Variants in USH2A observed in about 807,000 individuals in gnomAD.
USH2A encodes the protein Usher syndrome 2A (autosomal recessive, mild).
In USH2A, 443 loss-of-function variants were observed where a neutral mutation model predicts 538.9. The observed-to-expected ratio is 0.82, with a 90% CI of 0.76 to 0.89. USH2A has a LOEUF of 0.89. Ranked by LOEUF, USH2A falls within the 40% of genes least tolerant of loss-of-function variation. The pLI is 0.00. For synonymous variants in USH2A, 2,413 were observed against 2,273.5 expected (o/e 1.06, Z -1.75); for missense variants, 6,633 against 6,324.8 (o/e 1.05, Z -1.65).
At chr1:216,243,427 G>T (rs1171520912) in intron 13 of USH2A, among the ~76,000 whole-genome samples, 1 of 152,094 alleles carries the variant, frequency 6.6e-6, no homozygotes, top group East Asian at 1.9e-4. Context: ...CTGTCTTCAA[G>T]GATCAATCTC....
intron 35 of USH2A, among the ~76,000 whole-genome samples, chr1:215,973,656 C>CTTCTTCTTTTTTT (rs1358991956): frequency 7.6e-6 from 1 of 130,960 alleles, no homozygotes; most frequent in African/African-American, 2.9e-5. Flanking sequence ...TCTTCTTCTT[C>CTTCTTCTTTTTTT]TTTTTTTTTT....
chr1:216,224,435 C>T (rs77014611), intron 14 of USH2A, among the ~76,000 whole-genome samples: 1,833 of 152,162 alleles, frequency 0.012, 29 homozygotes, highest in African/African-American at 0.042. Context: ...GTTTTCGATA[C>T]TGATTAAATC....
At chr1:215,962,521 C>T (rs889593517) in intron 37 of USH2A, among the ~76,000 whole-genome samples, 3 of 151,936 alleles carry the variant, frequency 2.0e-5, no homozygotes, top group African/African-American at 7.3e-5. Context: ...GATAATTTCT[C>T]TGAAATTATT....
intron 61 of USH2A, among the ~76,000 whole-genome samples, chr1:215,697,255 G>A (rs1350642648): frequency 6.6e-6 from 1 of 151,762 alleles, no homozygotes; most frequent in Non-Finnish European, 1.5e-5. Flanking sequence ...CACCTCACCT[G>A]GCCTGCCCCC....
chr1:216,399,814 C>T (rs763388751), intron 3 of USH2A, among the ~76,000 whole-genome samples: 17 of 152,132 alleles, frequency 1.1e-4, no homozygotes, highest in Non-Finnish European at 2.2e-4. Context: ...TCACCCTACC[C>T]ATCTGCTGCA....
chr1:216,419,162 T>C (rs1433176198), intron 2 of USH2A, among the ~76,000 whole-genome samples: 3 of 152,016 alleles, frequency 2.0e-5, no homozygotes, highest in Non-Finnish European at 4.4e-5. Context: ...TTAATTCCCA[T>C]GGTGAAATGA....
Position 215,674,148 on chromosome 1 carries a change from G to A in USH2A, c.13763C>T (p.Ser4588Phe). The part of the protein sequence containing the change: ...KIIHINTTHN[S>F]FGMQSYIVNQ... ...TACTATATATGACTGCATACCAAAA[G>A]AATTATGAGTTGTGTTTATGTGTAT... Residue 4588 changes from serine to phenylalanine, a missense_variant, in exon 63 of 72, where the codon TCT (serine) becomes TTT (phenylalanine). By Grantham distance (155) the Ser-to-Phe change is radical (BLOSUM62 -2). Coordinates refer to ENST00000307340, the MANE Select transcript of USH2A (RefSeq NM_206933.4). The A allele has an allele frequency of 6.2e-7, 1 of 1,614,078 alleles. No homozygotes were observed. Among genetic ancestry groups the A allele is most frequent in the Non-Finnish European group, 8.5e-7 (1 of 1,180,010 alleles).
In USH2A at chr1:215,622,966, A is replaced by G. The variant is rs1022624455; in HGVS notation, c.*2815T>C. ...CATGATATTTGTGCATTGGAAACCA[A>G]CTATTCATTTGTGACATAATTAAAA... On this transcript the variant is annotated 3_prime_UTR_variant, in exon 72 of 72. Transcript: ENST00000307340. 6.6e-6 allele frequency: 1 copy of G among 151,832 alleles called. No homozygotes were observed. Among genetic ancestry groups the G allele is most frequent in the Non-Finnish European group, 1.5e-5 (1 of 67,990 alleles). The allele number at this position is 151,832 out of a possible 1,614,324, so 9.4% of individuals were successfully genotyped here.
chr1:216,392,491 CAAAAAAAAAAAAAA>C (rs55951311), intron 3 of USH2A, among the ~76,000 whole-genome samples: 1 of 49,484 alleles, frequency 2.0e-5, no homozygotes, highest in African/African-American at 7.8e-5. Flanking sequence ...GACTCCGTCT[CAAAAAAAAAAAAAA>C]AAAAAAAAAA....
chr1:216,301,961 C>A, intron 9 of USH2A, among the ~76,000 whole-genome samples: 1 of 152,170 alleles, frequency 6.6e-6, no homozygotes, highest in Admixed American at 6.5e-5. Context: ...CATGGTAATT[C>A]AAAGGATCCA....
At chr1:215,684,825 C>T (rs564731510) in intron 61 of USH2A, among the ~76,000 whole-genome samples, 94 of 152,234 alleles carry the variant, frequency 6.2e-4, no homozygotes, top group Middle Eastern at 3.4e-3. Flanking sequence ...AACCAAGTCA[C>T]GGGGTTCCCT....
intron 61 of USH2A, among the ~76,000 whole-genome samples, chr1:215,696,546 C>G (rs1390179502): frequency 1.3e-5 from 2 of 152,186 alleles, no homozygotes; most frequent in Non-Finnish European, 2.9e-5. Flanking sequence ...TCTAAACAAC[C>G]TTACAGCCTT....
intron 58 of USH2A, among the ~76,000 whole-genome samples, chr1:215,755,018 G>A (rs183652111): frequency 1.8e-4 from 28 of 152,172 alleles, no homozygotes; most frequent in Non-Finnish European, 2.9e-5. Context: ...GTCTTGGCAC[G>A]CCACTACACA....
At chr1:216,233,968 G>A (rs1158922594) in intron 13 of USH2A, among the ~76,000 whole-genome samples, 1 of 152,146 alleles carries the variant, frequency 6.6e-6, no homozygotes, top group South Asian at 2.1e-4. Flanking sequence ...AAACAATGGG[G>A]TAGAAGGATC....
At chr1:216,241,556 C>T (rs1298717625) in intron 13 of USH2A, among the ~76,000 whole-genome samples, 10 of 148,662 alleles carry the variant, frequency 6.7e-5, no homozygotes, top group Non-Finnish European at 1.3e-4. Context: ...TTTTTTGAGA[C>T]GGAGTTTGGC....
At chr1:215,739,486 C>CT (rs1181481823) in intron 60 of USH2A, among the ~76,000 whole-genome samples, 6 of 152,206 alleles carry the variant, frequency 3.9e-5, no homozygotes, top group Admixed American at 3.9e-4. Context: ...AACAGATACT[C>CT]TATTTCCCTT....
intron 47 of USH2A, among the ~76,000 whole-genome samples, chr1:215,820,108 A>G (rs1662970394): frequency 6.6e-6 from 1 of 151,690 alleles, no homozygotes; most frequent in African/African-American, 2.4e-5. Context: ...ACAGATTGCA[A>G]ATATTTGAAT....
intron 55 of USH2A, among the ~76,000 whole-genome samples, chr1:215,774,049 A>G (rs1329705221): frequency 6.6e-6 from 1 of 151,956 alleles, no homozygotes; most frequent in East Asian, 1.9e-4. Context: ...CACTTACCCA[A>G]GCCAATTTCC....
At chr1:216,222,176 G>A (rs2035468467) in intron 14 of USH2A, among the ~76,000 whole-genome samples, 1 of 152,116 alleles carries the variant, frequency 6.6e-6, no homozygotes, top group African/African-American at 2.4e-5. Flanking sequence ...TTTGTCCAAG[G>A]TGACAGTAAA....
Sources: allele counts gnomAD v4.1 joint callset (sites outside exome capture counted in the v4.1 genomes callset), GRCh38; gene constraint gnomAD v4.1.1; transcripts MANE v1.5; gene names NCBI Gene and HGNC (gene_info 2026-07-23, HGNC 2026-07-21).